The following RNF130 variants were observed in gnomAD, a reference collection of about 807,000 sequenced individuals.
RNF130 encodes E3 ubiquitin-protein ligase RNF130.
In RNF130, 21 loss-of-function variants were observed where a neutral mutation model predicts 44.6. That is an observed-to-expected ratio of 0.47 (90% CI 0.33 to 0.68). The LOEUF (loss-of-function observed/expected upper bound fraction) is 0.68. Among genes scored for constraint, RNF130 ranks in the 30% least tolerant of loss-of-function variants. RNF130 has a pLI of 0.02. For synonymous variants in RNF130, 214 were observed against 210.4 expected (o/e 1.02, Z -0.15); for missense variants, 479 against 560.6 (o/e 0.85, Z 1.47).
intron 1 of RNF130, among the ~76,000 whole-genome samples, chr5:180,065,134 T>TA (rs1354763537): frequency 3.6e-5 from 5 of 139,760 alleles, no homozygotes; most frequent in Non-Finnish European, 6.5e-5. Context: ...CAGAATGAAT[T>TA]TAAAAAAAAA....
At chr5:179,930,275 C>G (rs1016001380) in intron 7 of RNF130, among the ~76,000 whole-genome samples, 1 of 152,164 alleles carries the variant, frequency 6.6e-6, no homozygotes, top group Non-Finnish European at 1.5e-5. Flanking sequence ...TCAGGCTGAT[C>G]TCGAACTCCT....
chr5:179,991,603 G>GT (rs1304584495), intron 3 of RNF130, among the ~76,000 whole-genome samples: 1 of 152,070 alleles, frequency 6.6e-6, no homozygotes, highest in Non-Finnish European at 1.5e-5. Flanking sequence ...GTTGTGGGAT[G>GT]TTTTTCTTCC....
intron 1 of RNF130, among the ~76,000 whole-genome samples, chr5:180,067,969 T>C (rs1448980277): frequency 1.3e-5 from 2 of 152,232 alleles, no homozygotes; most frequent in Admixed American, 6.5e-5. Context: ...AAACCTAAGA[T>C]TCACTTTTTT....
chr5:179,948,120 G>A (rs1227003392), intron 7 of RNF130, among the ~76,000 whole-genome samples: 1 of 152,206 alleles, frequency 6.6e-6, no homozygotes, highest in Non-Finnish European at 1.5e-5. Context: ...GCAGGTGAGT[G>A]AACTTGGGCA....
intron 2 of RNF130, among the ~76,000 whole-genome samples, chr5:180,018,238 T>C (rs1231295578): frequency 6.7e-6 from 1 of 149,402 alleles, no homozygotes; most frequent in African/African-American, 2.5e-5. Flanking sequence ...GAGGTTTCAG[T>C]GAGCCGAGAC....
chr5:180,034,151 CT>C (rs1201620451), intron 2 of RNF130, among the ~76,000 whole-genome samples: 6 of 149,260 alleles, frequency 4.0e-5, no homozygotes, highest in African/African-American at 1.5e-4. Context: ...TTTTCTGCAC[CT>C]ACCGAAAATG....
At chr5:179,943,170 G>C (rs1480591052) in intron 7 of RNF130, among the ~76,000 whole-genome samples, 1 of 152,220 alleles carries the variant, frequency 6.6e-6, no homozygotes, top group Non-Finnish European at 1.5e-5. Context: ...ACTCCAGCCT[G>C]GGACAGAGCG....
At chr5:180,069,545 T>C (rs764622157) in intron 1 of RNF130, among the ~76,000 whole-genome samples, 1 of 152,168 alleles carries the variant, frequency 6.6e-6, no homozygotes, top group Non-Finnish European at 1.5e-5. Context: ...TGCCCAAATG[T>C]GTTCATTTTG....
intron 1 of RNF130, among the ~76,000 whole-genome samples, chr5:180,042,151 AACTAAAT>A (rs2113142886): frequency 6.6e-6 from 1 of 152,322 alleles, no homozygotes; most frequent in South Asian, 2.1e-4. Context: ...TAGCAAAAGA[AACTAAAT>A]GCTTACACGA....
chr5:179,962,912 G>A (rs1265174709), intron 8 of RNF130, among the ~76,000 whole-genome samples: 2 of 152,138 alleles, frequency 1.3e-5, no homozygotes, highest in Non-Finnish European at 2.9e-5. Context: ...CTGCTCTTTG[G>A]TCGCCATTTT....
intron 5 of RNF130, among the ~76,000 whole-genome samples, chr5:179,971,526 C>T (rs764251766): frequency 5.9e-5 from 9 of 152,278 alleles, no homozygotes; most frequent in Non-Finnish European, 1.0e-4. Context: ...CCCGCCACCA[C>T]GCCCAGCCAA....
At chr5:180,061,168 G>A (rs1368656817) in intron 1 of RNF130, among the ~76,000 whole-genome samples, 4 of 150,818 alleles carry the variant, frequency 2.7e-5, no homozygotes, top group African/African-American at 9.8e-5. Context: ...TCAGGATTCA[G>A]CAAGTATCCT....
intron 5 of RNF130, among the ~76,000 whole-genome samples, chr5:179,973,848 T>C: frequency 6.6e-6 from 1 of 152,136 alleles, no homozygotes; most frequent in Non-Finnish European, 1.5e-5. Context: ...CAGTGAAACC[T>C]GAAAAGCACA....
At chr5:180,060,040 CAA>C (rs1764936576) in intron 1 of RNF130, among the ~76,000 whole-genome samples, 1 of 152,126 alleles carries the variant, frequency 6.6e-6, no homozygotes, top group Non-Finnish European at 1.5e-5. Context: ...CGGAGAAAGT[CAA>C]AGTCAGAGAC....
intron 5 of RNF130, among the ~76,000 whole-genome samples, chr5:179,972,695 G>A (rs1762613406): frequency 6.6e-6 from 1 of 152,050 alleles, no homozygotes; most frequent in Non-Finnish European, 1.5e-5. Context: ...CTCCCTACTG[G>A]GGCCAGATTT....
At chr5:179,990,303 G>T (rs1464301571) in intron 3 of RNF130, among the ~76,000 whole-genome samples, 1 of 152,204 alleles carries the variant, frequency 6.6e-6, no homozygotes, top group African/African-American at 2.4e-5. Context: ...TCCCTGTTAG[G>T]TAGCCGAGGC....
intron 3 of RNF130, among the ~76,000 whole-genome samples, chr5:180,006,315 A>G (rs1763461310): frequency 6.6e-6 from 1 of 152,168 alleles, no homozygotes; most frequent in South Asian, 2.1e-4. Flanking sequence ...AACCTTTTGA[A>G]CCCACCAGTT....
At position 179,963,533 on chromosome 5, in the gene RNF130, G is replaced by C. The variant is rs758287290; in HGVS notation, c.1182C>G (p.Leu394=). ...TGTAGCAGAGTGTGAGGGCACTGAGGAGGCCAAAACTGGCAATAATAAACC... is the reference window on the plus strand; with the variant it reads ...TGTAGCAGAGTGTGAGGGCACTGAGCAGGCCAAAACTGGCAATAATAAACC... ...KEWFIIASFG[L]LSALTLCYMI... is the part of the protein sequence containing the mutation. The change falls in exon 8 of 9, where the codon CTC becomes CTG. Residue 394 remains leucine (L), a synonymous_variant. Transcript: ENST00000521389. 43 of 1,613,976 alleles carry C rather than the reference G, an allele frequency of 2.7e-5. No homozygotes were observed. The highest frequency in any genetic ancestry group is 3.4e-5 in the Non-Finnish European group (40 of 1,179,836).
intron 1 of RNF130, among the ~76,000 whole-genome samples, chr5:180,047,006 A>C (rs1381292059): frequency 9.8e-6 from 1 of 102,266 alleles, no homozygotes; most frequent in Non-Finnish European, 2.3e-5. Flanking sequence ...TGTGGCAAAG[A>C]GTTCTCTGTT....
Sources: gnomAD v4.1 joint callset for allele counts (sites outside exome capture counted in the v4.1 genomes callset) on GRCh38, gnomAD v4.1.1 for gene constraint, MANE v1.5 for transcripts, NCBI Gene and HGNC (gene_info 2026-07-23, HGNC 2026-07-21) for gene names.